ARHGEF18: variants seen among roughly 807,000 people sequenced by gnomAD.
ARHGEF18 encodes Rho/Rac guanine nucleotide exchange factor 18.
In ARHGEF18, 93 loss-of-function variants were observed where a neutral mutation model predicts 155.7. That is an observed-to-expected ratio of 0.60 (90% CI 0.50 to 0.71). The LOEUF (loss-of-function observed/expected upper bound fraction) is 0.71. Among genes scored for constraint, ARHGEF18 ranks in the 30% least tolerant of loss-of-function variants. ARHGEF18 has a pLI of 0.00. For missense variants in ARHGEF18, 1,593 were observed against 1,816.1 expected, an observed-to-expected ratio of 0.88 and a Z score of 2.23; for synonymous variants, 742 against 753.1, an observed-to-expected ratio of 0.99 and a Z score of 0.24.
chr19:7,366,596 G>C (rs1446243094), intron 2 of ARHGEF18, among the ~76,000 whole-genome samples: 1 of 152,160 alleles, frequency 6.6e-6, no homozygotes, highest in Admixed American at 6.5e-5. Context: ...TCCCCAGCCT[G>C]CTGGCTGGAA....
intron 12 of ARHGEF18, 46 bp from the exon 13 acceptor site, chr19:7,441,866 G>A: frequency 6.2e-7 from 1 of 1,613,162 alleles, no homozygotes; most frequent in Non-Finnish European, 8.5e-7. Context: ...GAATTGGGGT[G>A]GCATGGCTCT....
At chr19:7,467,781 G>A in intron 26 of ARHGEF18, 97 bp downstream of exon 26, 4 of 1,233,308 alleles carry the variant, frequency 3.2e-6, no homozygotes, top group East Asian at 3.2e-5. Context: ...GCGGGTGCAT[G>A]CGTGCAGGAG....
intron 1 of ARHGEF18, chr19:7,355,824 C>T (rs927903878): frequency 5.7e-6 from 3 of 530,206 alleles, no homozygotes; most frequent in Admixed American, 6.4e-5. Flanking sequence ...TGGCATCGGC[C>T]CTGGATTCCA....
At chr19:7,437,703 G>A (rs1164499015) in intron 10 of ARHGEF18, among the ~76,000 whole-genome samples, 2 of 151,260 alleles carry the variant, frequency 1.3e-5, no homozygotes, top group African/African-American at 4.9e-5. Flanking sequence ...GAGTGCGGTG[G>A]CATGATGTCA....
chr19:7,449,812 G>T (rs1255951529), intron 15 of ARHGEF18, among the ~76,000 whole-genome samples: 2 of 151,954 alleles, frequency 1.3e-5, no homozygotes, highest in African/African-American at 2.4e-5. Context: ...TGAATAGCTG[G>T]GACTACAGGA....
At chr19:7,450,776 T>C in intron 15 of ARHGEF18, among the ~76,000 whole-genome samples, 1 of 150,288 alleles carries the variant, frequency 6.7e-6, no homozygotes, top group Admixed American at 6.6e-5. Context: ...GTTTCCACGG[T>C]GTTAATGCGG....
At position 7,462,836 on chromosome 19, in the gene ARHGEF18, C is replaced by CTT. The variant is rs34155241; in HGVS notation, c.2635+519_2635+520dup. Reference sequence around the variant, plus strand: ...AGTCTGCTCTTTCTTTTTTTCTTTTCTTTTTTTTTTTTTTTTTTGAGATGG... The same window carrying CTT: ...AGTCTGCTCTTTCTTTTTTTCTTTTCTTTTTTTTTTTTTTTTTTTTGAGATGG... On this transcript the variant is annotated intron_variant, in intron 21 of 28. Coordinates refer to ENST00000668164, the MANE Select transcript of ARHGEF18 (RefSeq NM_001367823.1). This position sits in a 1 kb window ranked among gnomAD's most constrained non-coding sequence, Gnocchi z 4.4. Among the ~76,000 whole-genome samples, 941 of 96,474 alleles carry CTT rather than the reference C, an allele frequency of 9.8e-3. 12 individuals are homozygous for CTT. Among genetic ancestry groups the CTT allele is most frequent in the African/African-American group, 0.039 (876 of 22,550 alleles). The allele number at this position is 96,474 out of a possible 152,430, so 63.3% of individuals were successfully genotyped here.
At chr19:7,436,530 G>C (rs184201771) in intron 10 of ARHGEF18, among the ~76,000 whole-genome samples, 1 of 151,998 alleles carries the variant, frequency 6.6e-6, no homozygotes, top group Non-Finnish European at 1.5e-5. Flanking sequence ...CACCCCGCTC[G>C]GCCTCCCAAA....
chr19:7,377,093 TAG>T (rs973206339), intron 5 of ARHGEF18, among the ~76,000 whole-genome samples: 7 of 149,994 alleles, frequency 4.7e-5, no homozygotes, highest in Non-Finnish European at 8.9e-5. Context: ...TTTTTTGAGA[TAG>T]AGTCTTGCTC....
In ARHGEF18 at chr19:7,462,469, C is replaced by A; in HGVS notation, c.2635+135C>A. 9.1e-7 allele frequency: 1 copy of A among 1,100,850 alleles called. No individual in the cohort carries two copies. Among genetic ancestry groups the A allele is most frequent in the Non-Finnish European group, 1.3e-6 (1 of 797,474 alleles). 68.2% of individuals were successfully genotyped at this position (1,100,850 alleles called of 1,614,324 possible). A position where few individuals can be genotyped will look rare whatever the true frequency, so the allele number is the denominator to read the frequency against. Reference sequence around the variant, plus strand: ...GACAGGCTTCTATGTGGGGGGGGCCCAGGAGCAGCACTGACCGCCCCCCGG... The same window carrying A: ...GACAGGCTTCTATGTGGGGGGGGCCAAGGAGCAGCACTGACCGCCCCCCGG... On this transcript the variant is annotated intron_variant, in intron 21 of 28. Coordinates refer to ENST00000668164, the MANE Select transcript of ARHGEF18 (RefSeq NM_001367823.1). This position sits in a 1 kb window ranked among gnomAD's most constrained non-coding sequence, Gnocchi z 4.4.
chr19:7,406,198 C>T (rs759763165), intron 10 of ARHGEF18, among the ~76,000 whole-genome samples: 7 of 152,134 alleles, frequency 4.6e-5, no homozygotes, highest in Non-Finnish European at 7.4e-5. Context: ...GATTCTCCTG[C>T]CTCAGCCTCC....
At chr19:7,465,318 AG>A (rs952872438) in intron 23 of ARHGEF18, among the ~76,000 whole-genome samples, 1 of 151,962 alleles carries the variant, frequency 6.6e-6, no homozygotes, top group African/African-American at 2.4e-5. Flanking sequence ...ATCCACACTA[AG>A]GGATGTATTT....
At chr19:7,389,152 AT>A (rs1285345338) in intron 10 of ARHGEF18, among the ~76,000 whole-genome samples, 1,840 of 118,088 alleles carry the variant, frequency 0.016, 15 homozygotes, top group Non-Finnish European at 0.022. Context: ...CACCAGGCTA[AT>A]TTTTTTTTTT....
Position 7,469,865 on chromosome 19 carries a change from GC to G in ARHGEF18, c.3788-37del, listed in dbSNP as rs1976907146. ...CTGCCCTGGCGGGTGGGGACAGCTG[GC>G]CAGCCTGGAGCTGGCCCAAATACCT... On this transcript the variant is annotated intron_variant, in intron 27 of 28. Transcript: ENST00000668164. The G allele has an allele frequency of 3.1e-6, 5 of 1,602,726 alleles. No homozygotes were observed. The East Asian group carries it at 1.1e-4, about 36-fold the overall frequency.
intron 10 of ARHGEF18, among the ~76,000 whole-genome samples, chr19:7,385,480 A>ATTATTATTG (rs1555704272): frequency 4.8e-5 from 7 of 145,494 alleles, no homozygotes; most frequent in African/African-American, 7.7e-5. Flanking sequence ...TATTATTATT[A>ATTATTATTG]TTATTATTAT....
chr19:7,463,751 G>A lies in ARHGEF18; in HGVS notation c.2636-67G>A. The A allele has an allele frequency of 1.3e-6, 2 of 1,495,348 alleles. No homozygotes were observed. Among genetic ancestry groups the A allele is most frequent in the Non-Finnish European group, 1.8e-6 (2 of 1,117,138 alleles). 92.6% of individuals were successfully genotyped at this position (1,495,348 alleles called of 1,614,324 possible). ...CGTCCACCCGGGTCTCGCTGCCCCA[G>A]CGCTCCGTATTCCCCCAGCACACTT... is the stretch of plus-strand genomic sequence containing the variant. On this transcript the variant is annotated intron_variant, in intron 21 of 28. Coordinates refer to ENST00000668164, the MANE Select transcript of ARHGEF18 (RefSeq NM_001367823.1). The surrounding 1 kb of genome is among the most constrained non-coding windows in gnomAD (Gnocchi z 5.2).
At chr19:7,418,996 C>A (rs910874167) in intron 10 of ARHGEF18, among the ~76,000 whole-genome samples, 16 of 151,840 alleles carry the variant, frequency 1.1e-4, no homozygotes, top group African/African-American at 3.9e-4. Context: ...CAGCCCCTCA[C>A]CCCAGGTGCA....
chr19:7,459,647 C>T lies in ARHGEF18; in HGVS notation c.2361-256C>T, dbSNP rs115165088. Among the ~76,000 whole-genome samples the T allele has an allele frequency of 8.9e-3, 1,361 of 152,356 alleles. 14 individuals carry two copies. Among genetic ancestry groups the T allele is most frequent in the African/African-American group, 0.03 (1,268 of 41,576 alleles). ...GCACCTGGCAGGTCCTCTGCAAGCC[C>T]GCTGTCCCCTGGACTCCTCCTCTAA... On this transcript the variant is annotated intron_variant, in intron 19 of 28. Transcript: ENST00000668164.
intron 10 of ARHGEF18, among the ~76,000 whole-genome samples, chr19:7,415,425 C>G (rs997121260): frequency 9.9e-5 from 15 of 152,206 alleles, no homozygotes; most frequent in African/African-American, 3.6e-4. Flanking sequence ...CCCCTGCGTC[C>G]ACCAGCAACC....
Sources: gnomAD v4.1 joint callset for allele counts (sites outside exome capture counted in the v4.1 genomes callset) on GRCh38, gnomAD v4.1.1 for gene constraint, Gnocchi (gnomAD v3.1) non-coding constraint, MANE v1.5 for transcripts, NCBI Gene and HGNC (gene_info 2026-07-23, HGNC 2026-07-21) for gene names.